The following ATM variants were observed in gnomAD, a reference collection of about 807,000 sequenced individuals.
ATM encodes the protein ATM serine/threonine kinase, also known as serine-protein kinase ATM.
Under a neutral mutation model 387.0 loss-of-function variants are expected in ATM, and 308 were observed. The ratio of observed to expected loss-of-function variants is 0.80; its 90% CI spans 0.73 to 0.87. The LOEUF is 0.87. ATM is among the 40% of genes least tolerant of loss of function. The pLI is 0.00. For synonymous variants in ATM, 1,156 were observed against 1,187.3 expected, an observed-to-expected ratio of 0.97 and a Z score of 0.54; for missense variants, 3,312 against 3,560.9, an observed-to-expected ratio of 0.93 and a Z score of 1.78.
Position 108,366,199 on chromosome 11 carries a change from T to C in ATM, c.*691T>C. 5.1e-6 allele frequency: 1 copy of C among 195,650 alleles called. No individual in the cohort carries two copies. The highest frequency in any genetic ancestry group is 1.1e-5 in the Non-Finnish European group (1 of 94,160). 12.1% of individuals were successfully genotyped at this position (195,650 alleles called of 1,614,324 possible). On this transcript the variant is annotated 3_prime_UTR_variant, in exon 63 of 63. Transcript: ENST00000675843. ...CTTCTCATTCTATTCTCTTTATCTT[T>C]TAAGCCCTTCTGTACTGTCCATGTA...
chr11:108,285,179 T>G (rs1423462116), intron 26 of ATM, among the ~76,000 whole-genome samples: 2 of 152,064 alleles, frequency 1.3e-5, no homozygotes, highest in Non-Finnish European at 1.5e-5. Flanking sequence ...AGGCTGGTCT[T>G]TAACTCTTGA....
At chr11:108,295,354 T>A in intron 32 of ATM, 3 of 352,732 alleles carry the variant, frequency 8.5e-6, no homozygotes, top group South Asian at 7.6e-5. Flanking sequence ...TTTTTAAGAG[T>A]CTCACTCTGT....
At chr11:108,245,863 C>T (rs1241337656) in intron 7 of ATM, among the ~76,000 whole-genome samples, 7 of 142,196 alleles carry the variant, frequency 4.9e-5, no homozygotes, top group African/African-American at 1.6e-4. Context: ...CTCACTCTGT[C>T]GCCCAGGCTG....
At chr11:108,233,204 G>C (rs2079106314) in intron 4 of ATM, among the ~76,000 whole-genome samples, 1 of 152,106 alleles carries the variant, frequency 6.6e-6, no homozygotes, top group Non-Finnish European at 1.5e-5. Flanking sequence ...TTTGTACAAA[G>C]CTTAAATAGA....
intron 47 of ATM, among the ~76,000 whole-genome samples, chr11:108,327,106 G>C (rs2085755515): frequency 6.6e-6 from 1 of 152,198 alleles, no homozygotes; most frequent in South Asian, 2.1e-4. Flanking sequence ...GGGATTACAG[G>C]CGTGAGCCAC....
At chr11:108,237,615 G>A (rs934906533) in intron 5 of ATM, among the ~76,000 whole-genome samples, 3 of 152,092 alleles carry the variant, frequency 2.0e-5, no homozygotes, top group African/African-American at 7.2e-5. Context: ...TGGAAGAAGC[G>A]AAGTCTGTGC....
chr11:108,224,638 G>A (rs2078651245), intron 1 of ATM: 1 of 152,068 alleles, frequency 6.6e-6, no homozygotes, highest in Non-Finnish European at 1.5e-5. Context: ...TGAAGTGTTG[G>A]TCCTCTAGCC....
chr11:108,258,642 A>C (rs2080660987), intron 15 of ATM, among the ~76,000 whole-genome samples: 1 of 152,188 alleles, frequency 6.6e-6, no homozygotes, highest in African/African-American at 2.4e-5. Flanking sequence ...GTACATGGCC[A>C]TATAGCAATA....
At position 108,368,496 on chromosome 11, in the gene ATM, CTGGAGAAATCAGAATT is replaced by C. The variant is rs1198637493; in HGVS notation, c.*2998_*3013del. 4.7e-6 allele frequency: 1 copy of C among 214,650 alleles called. No individual in the cohort carries two copies. Among genetic ancestry groups the C allele is most frequent in the Non-Finnish European group, 9.4e-6 (1 of 106,496 alleles). 13.3% of individuals were successfully genotyped at this position (214,650 alleles called of 1,614,324 possible). A position where few individuals can be genotyped will look rare whatever the true frequency, so the allele number is the denominator to read the frequency against. On this transcript the variant is annotated 3_prime_UTR_variant, in exon 63 of 63. Transcript: ENST00000675843. ...TTAGTGATACTATCCCAATACACTG[CTGGAGAAATCAGAATT>C]TGGAGAAATAAGTTGTCCAAGGCAA...
chr11:108,353,212 G>C (rs752737346), intron 59 of ATM, among the ~76,000 whole-genome samples: 2 of 151,674 alleles, frequency 1.3e-5, no homozygotes, highest in Non-Finnish European at 2.9e-5. Context: ...GCAATGGCAC[G>C]ATCTCAGCTC....
In ATM at chr11:108,335,939, A is replaced by G. The variant is rs779145081; in HGVS notation, c.8246A>G (p.Lys2749Arg). Residue 2749 changes from lysine to arginine, a missense_variant, in exon 56 of 63, where the codon AAA becomes AGA. By Grantham distance (26) the Lys-to-Arg change is conservative. Transcript: ENST00000675843. ...AGAAACACGGAAACTAGGAAGAGGA[A>G]ATTAACTATCTGTACTTATAAGGTA... The part of the protein sequence containing the change: ...LQRNTETRKR[K>R]LTICTYKVVP... 12 of 1,612,064 alleles carry G rather than the reference A, an allele frequency of 7.4e-6. No individual in the cohort carries two copies. The highest frequency in any genetic ancestry group is 1.0e-5 in the Non-Finnish European group (12 of 1,178,306).
At chr11:108,279,989 G>GGT (rs761146684) in intron 23 of ATM, among the ~76,000 whole-genome samples, 1 of 152,074 alleles carries the variant, frequency 6.6e-6, no homozygotes, top group Non-Finnish European at 1.5e-5. Flanking sequence ...AAATCATTGT[G>GGT]GTGTTTACAG....
rs115264083 is a variant in ATM, at chr11:108,246,322, A to G, written c.902-642A>G. Among the ~76,000 whole-genome samples the G allele has an allele frequency of 6.1e-3, 929 of 152,224 alleles. 8 individuals carry two copies. The highest frequency in any genetic ancestry group is 0.02 in the African/African-American group (818 of 41,536). On this transcript the variant is annotated intron_variant, in intron 7 of 62. Transcript: ENST00000675843. ...AGGAGGTGATATGATATGTTTAGGG[A>G]TTTAGTTAACTGCATATTTAGGGTG... is the stretch of plus-strand genomic sequence containing the variant.
Position 108,293,330 on chromosome 11 carries a change from A to G in ATM, c.4629A>G (p.Lys1543=), listed in dbSNP as rs745565564. ...ATATTTAGGTATTGGACTTGTTGAA[A>G]TACTTAGTGATAGATAACAAGGATA... ...EVQKQVLDLL[K]YLVIDNKDNE... Residue 1543 remains lysine (K), a synonymous_variant, in exon 31 of 63, where the codon AAA becomes AAG. Coordinates refer to ENST00000675843, the MANE Select transcript of ATM (RefSeq NM_000051.4). 3.9e-6 allele frequency: 6 copies of G among 1,558,146 alleles called. No individual in the cohort carries two copies. Among genetic ancestry groups the G allele is most frequent in the African/African-American group, 1.4e-5 (1 of 73,100 alleles).
At chr11:108,355,087 T>C (rs985873077) in intron 61 of ATM, 5 of 571,074 alleles carry the variant, frequency 8.8e-6, no homozygotes, top group Non-Finnish European at 1.6e-5. Context: ...TTTCTTGGAA[T>C]GTTAGAGCAT....
Position 108,332,739 on chromosome 11 carries a change from T to A in ATM, c.7789-23T>A, listed in dbSNP as rs751393915. The A allele has an allele frequency of 1.7e-5, 28 of 1,607,730 alleles. No individual in the cohort carries two copies. In the East Asian group the frequency reaches 5.8e-4, roughly 33 times the overall value. ...AAATGTTGGGTAGTTCCTTATGTAA[T>A]GTTTTTTGTTTTTTATTAATAGGAT... On this transcript the variant is annotated intron_variant, in intron 52 of 62. Transcript: ENST00000675843.
intron 58 of ATM, 118 bp from the exon 59 acceptor site, chr11:108,347,160 TA>T: frequency 1.2e-6 from 1 of 834,566 alleles, no homozygotes; most frequent in Non-Finnish European, 2.0e-6. Context: ...TTAAGTAGGC[TA>T]AAAATCCTAA....
At chr11:108,321,233 A>C (rs1448731926) in intron 44 of ATM, 68 bp from the exon 45 acceptor site, 1 of 1,599,588 alleles carries the variant, frequency 6.3e-7, no homozygotes, top group Non-Finnish European at 8.5e-7. Context: ...TTAACAACAA[A>C]TTTAAACATT....
intron 14 of ATM, among the ~76,000 whole-genome samples, chr11:108,256,749 T>C (rs1192445197): frequency 1.3e-5 from 2 of 152,178 alleles, no homozygotes; most frequent in African/African-American, 2.4e-5. Context: ...CTGCCACTTA[T>C]GAGTGAGAAC....
Sources: gnomAD v4.1 joint callset for allele counts (sites outside exome capture counted in the v4.1 genomes callset) on GRCh38, gnomAD v4.1.1 for gene constraint, MANE v1.5 for transcripts, NCBI Gene and HGNC (gene_info 2026-07-23, HGNC 2026-07-21) for gene names.